The following DDAH1 variants were observed in gnomAD, a reference collection of about 807,000 sequenced individuals.
The protein encoded by DDAH1 is dimethylarginine dimethylaminohydrolase 1.
A neutral mutation model predicts 28.8 loss-of-function variants in DDAH1; 19 were observed. The observed-to-expected ratio is 0.66, with a 90% CI of 0.46 to 0.97. DDAH1 has a LOEUF of 0.97. Among genes scored for constraint, DDAH1 ranks in the 50% least tolerant of loss-of-function variants. The probability of loss-of-function intolerance (pLI) is 0.00; values close to 1 mark genes in which losing one functional copy is unlikely to be tolerated. For synonymous variants in DDAH1, 153 were observed against 154.4 expected (o/e 0.99, Z 0.07); for missense variants, 326 against 375.9 (o/e 0.87, Z 1.10).
intron 1 of DDAH1, among the ~76,000 whole-genome samples, chr1:85,538,508 G>C (rs1188486178): frequency 2.6e-5 from 4 of 152,164 alleles, no homozygotes; most frequent in African/African-American, 4.8e-5. Flanking sequence ...GATTTGCCCA[G>C]GTGGGCTCAG....
intron 1 of DDAH1, among the ~76,000 whole-genome samples, chr1:85,507,783 C>T (rs1002391273): frequency 5.3e-5 from 8 of 152,110 alleles, no homozygotes; most frequent in Admixed American, 4.6e-4. Flanking sequence ...ACAGCTCCCC[C>T]AGTCCTTCTC....
At chr1:85,561,846 A>G (rs545502006) in intron 1 of DDAH1, among the ~76,000 whole-genome samples, 1 of 152,308 alleles carries the variant, frequency 6.6e-6, no homozygotes, top group Non-Finnish European at 1.5e-5. Context: ...TACTGTTCTA[A>G]TTTTGACCGT....
chr1:85,411,362 A>T (rs926080025), intron 1 of DDAH1, among the ~76,000 whole-genome samples: 1 of 152,226 alleles, frequency 6.6e-6, no homozygotes, highest in Admixed American at 6.5e-5. Flanking sequence ...GGTCAAACAG[A>T]GGAATTCACA....
intron 1 of DDAH1, among the ~76,000 whole-genome samples, chr1:85,569,087 A>C (rs1659382791): frequency 6.6e-6 from 1 of 152,212 alleles, no homozygotes; most frequent in Admixed American, 6.5e-5. Flanking sequence ...CTGAGTTGTA[A>C]ATAACACCTG....
chr1:85,342,840 T>G (rs990311144), intron 4 of DDAH1, among the ~76,000 whole-genome samples: 7 of 152,188 alleles, frequency 4.6e-5, no homozygotes, highest in South Asian at 2.1e-4. Flanking sequence ...TGCAGAGCTT[T>G]TAAAAAATGC....
chr1:85,573,286 T>C (rs1659510810), intron 1 of DDAH1, among the ~76,000 whole-genome samples: 1 of 152,244 alleles, frequency 6.6e-6, no homozygotes, highest in Non-Finnish European at 1.5e-5. Context: ...CCTTTCTAAA[T>C]TCTGGATGTG....
intron 1 of DDAH1, among the ~76,000 whole-genome samples, chr1:85,532,235 G>A (rs1360963076): frequency 6.6e-6 from 1 of 151,736 alleles, no homozygotes; most frequent in Non-Finnish European, 1.5e-5. Flanking sequence ...TTCTCTCTAA[G>A]TGCCTTATAA....
Position 85,324,737 on chromosome 1 carries a change from T to TA in DDAH1, c.741+2dup. 6.2e-7 allele frequency: 1 copy of TA among 1,614,162 alleles called. No homozygotes were observed. Among genetic ancestry groups the TA allele is most frequent in the Non-Finnish European group, 8.5e-7 (1 of 1,180,008 alleles). On this transcript the variant is annotated splice_region_variant and intron_variant, in intron 5 of 5. Coordinates refer to ENST00000284031, the MANE Select transcript of DDAH1 (RefSeq NM_012137.4). The stretch of plus-strand genomic sequence containing the variant: ...GCAGTGGTCAGAAGGGATATTTTTT[T>TA]ACCTTTGCACTTTCTGGATACTCTT...
intron 1 of DDAH1, among the ~76,000 whole-genome samples, chr1:85,380,189 A>G (rs41289749): frequency 0.059 from 9,007 of 152,282 alleles, 390 homozygotes; most frequent in Admixed American, 0.12. Context: ...GCCGTATGAC[A>G]TTAAGTAATG....
chr1:85,465,308 G>T (rs1168371353), upstream of DDAH1: 2 of 779,476 alleles, frequency 2.6e-6, no homozygotes, highest in Non-Finnish European at 3.1e-6. Flanking sequence ...GTAGCGGCGA[G>T]CGCCGGGCGA....
rs150409142 is a variant in DDAH1, at chr1:85,549,453, T to A, written c.-123+28531A>T. Among the ~76,000 whole-genome samples the A allele has an allele frequency of 6.8e-4, 104 of 152,328 alleles. 3 individuals are homozygous for A. In the East Asian group the frequency reaches 9.1e-3, roughly 13 times the overall value. Reference sequence around the variant, plus strand: ...AGTTCCCAGGGAATGCTAATGCTGCTGCTCAGGGACCATACCACTCTTGTG... The same window carrying A: ...AGTTCCCAGGGAATGCTAATGCTGCAGCTCAGGGACCATACCACTCTTGTG... On this transcript the variant is annotated intron_variant, in intron 1 of 6. Transcript: ENST00000426972.
chr1:85,321,176 G>T lies in DDAH1; in HGVS notation c.*276C>A. 3.5e-6 allele frequency: 1 copy of T among 289,292 alleles called. No individual in the cohort carries two copies. Among genetic ancestry groups the T allele is most frequent in the Non-Finnish European group, 6.5e-6 (1 of 154,992 alleles). 17.9% of individuals were successfully genotyped at this position (289,292 alleles called of 1,614,324 possible). On this transcript the variant is annotated 3_prime_UTR_variant, in exon 6 of 6. Coordinates refer to ENST00000284031, the MANE Select transcript of DDAH1 (RefSeq NM_012137.4). ...CCAAAAATACAGACACTAAATGAGT[G>T]TTTCCTTACTGGGATTAATCACATT... is the stretch of plus-strand genomic sequence containing the variant.
intron 1 of DDAH1, among the ~76,000 whole-genome samples, chr1:85,565,848 A>C (rs12734039): frequency 0.25 from 37,658 of 152,166 alleles, 4,833 homozygotes; most frequent in Middle Eastern, 0.31. Context: ...TGGGAGGCCA[A>C]GGTGGGTGGA....
At chr1:85,433,099 C>CATAT (rs1158343075) in intron 1 of DDAH1, among the ~76,000 whole-genome samples, 1 of 152,136 alleles carries the variant, frequency 6.6e-6, no homozygotes, top group Non-Finnish European at 1.5e-5. Flanking sequence ...TACATGCATA[C>CATAT]ATATACATAC....
At chr1:85,518,983 A>G (rs551331467) in intron 1 of DDAH1, among the ~76,000 whole-genome samples, 2 of 152,234 alleles carry the variant, frequency 1.3e-5, no homozygotes, top group African/African-American at 4.8e-5. Context: ...TGTGTTACTG[A>G]CATAGAAGGA....
upstream of DDAH1, among the ~76,000 whole-genome samples, chr1:85,465,887 T>C (rs1248312504): frequency 2.2e-4 from 34 of 152,226 alleles, no homozygotes; most frequent in African/African-American, 2.4e-5. Flanking sequence ...AATTTGCTTG[T>C]ATCCTTTTAA....
chr1:85,524,692 G>T (rs1217329984), intron 1 of DDAH1, among the ~76,000 whole-genome samples: 2 of 152,010 alleles, frequency 1.3e-5, no homozygotes, highest in African/African-American at 4.8e-5. Context: ...TGGGAAGCTT[G>T]CTTGTGGCAC....
intron 1 of DDAH1, among the ~76,000 whole-genome samples, chr1:85,369,049 G>A (rs1020702198): frequency 6.8e-6 from 1 of 147,200 alleles, no homozygotes; most frequent in Non-Finnish European, 1.5e-5. Flanking sequence ...TGGCTCCCAG[G>A]GGATTCTTTT....
At chr1:85,576,092 G>A (rs202174275) in intron 1 of DDAH1, among the ~76,000 whole-genome samples, 15 of 147,814 alleles carry the variant, frequency 1.0e-4, no homozygotes, top group African/African-American at 9.9e-5. Flanking sequence ...TAAAAAAAAA[G>A]AAAAAAAAAA....
Sources: gnomAD v4.1 joint callset for allele counts (sites outside exome capture counted in the v4.1 genomes callset) on GRCh38, gnomAD v4.1.1 for gene constraint, MANE v1.5 for transcripts, NCBI Gene and HGNC (gene_info 2026-07-23, HGNC 2026-07-21) for gene names.